The following STN1 variants were observed in gnomAD, a reference collection of about 807,000 sequenced individuals.
STN1 encodes the protein STN1 subunit of CST complex.
STN1 carries 29 observed loss-of-function variants against 45.5 expected under a neutral mutation model. That is an observed-to-expected ratio of 0.64 (90% CI 0.47 to 0.87). The LOEUF (loss-of-function observed/expected upper bound fraction) is 0.87, where lower values mean the gene tolerates loss of function less well. Ranked by LOEUF, STN1 falls within the 40% of genes least tolerant of loss-of-function variation. The probability of loss-of-function intolerance (pLI) is 0.00; values close to 1 mark genes in which losing one functional copy is unlikely to be tolerated. For missense variants in STN1, 376 were observed against 441.4 expected (o/e 0.85, Z 1.33); for synonymous variants, 148 against 159.0 (o/e 0.93, Z 0.52).
intron 7 of STN1, among the ~76,000 whole-genome samples, chr10:103,892,785 C>T (rs1270361525): frequency 6.6e-6 from 1 of 152,204 alleles, no homozygotes; most frequent in South Asian, 2.1e-4. Context: ...AGGTAGACAG[C>T]AGTCCTGGTG....
rs1466695054 is a variant in STN1, at chr10:103,894,802, T to C, written c.754-2550A>G. 2.6e-5 allele frequency among the ~76,000 whole-genome samples: 4 copies of C among 151,308 alleles called. No individual in the cohort carries two copies. In the East Asian group the frequency reaches 7.7e-4, roughly 29 times the overall value. ...TCAGGAACTGGGTGGATCCCTGAAA[T>C]ATATATAGTCTTCATTCCCAAACAA... On this transcript the variant is annotated intron_variant, in intron 7 of 9. Transcript: ENST00000224950.
At chr10:103,883,426 T>C (rs954451111) in intron 9 of STN1, among the ~76,000 whole-genome samples, 4 of 152,138 alleles carry the variant, frequency 2.6e-5, no homozygotes, top group African/African-American at 4.8e-5. Context: ...CCATCTAGTA[T>C]ACAACAATAC....
intron 3 of STN1, among the ~76,000 whole-genome samples, chr10:103,908,065 G>A (rs1050779105): frequency 6.6e-6 from 1 of 151,916 alleles, no homozygotes; most frequent in Admixed American, 6.5e-5. Flanking sequence ...GGAGGCGGGG[G>A]TTGCAGTGAG....
Position 103,882,770 on chromosome 10 carries a change from C to T in STN1, c.1021G>A (p.Glu341Lys), listed in dbSNP as rs757406867. The T allele has an allele frequency of 9.3e-6, 15 of 1,614,198 alleles. No individual in the cohort carries two copies. Among genetic ancestry groups the T allele is most frequent in the South Asian group, 5.5e-5 (5 of 91,084 alleles). The change falls in exon 10 of 10, where the codon GAG becomes AAG. Residue 341 changes from glutamate (E) to lysine (K), a missense_variant. Physicochemically the swap from Glu to Lys is moderately conservative, Grantham distance 56. Transcript: ENST00000224950. ...ARLSIRPGLS[E>K]AVLQQVLELL... ...TCCAGAACTTGCTGCAGCACAGCCT[C>T]GCTCAGGCCCGGGCGGATGCTCAGG...
intron 7 of STN1, among the ~76,000 whole-genome samples, chr10:103,894,394 A>C (rs566744049): frequency 6.6e-6 from 1 of 152,292 alleles, no homozygotes; most frequent in South Asian, 2.1e-4. Context: ...AGGAAGAGAC[A>C]ATGCTAGGCC....
intron 3 of STN1, among the ~76,000 whole-genome samples, chr10:103,908,970 C>T (rs1843262514): frequency 6.6e-6 from 1 of 151,470 alleles, no homozygotes; most frequent in Non-Finnish European, 1.5e-5. Flanking sequence ...GACCACAGAA[C>T]ACACTGGAGT....
rs1160624511 is a variant in STN1 at position 103,905,106 on chromosome 10, T to C, written c.280A>G (p.Thr94Ala). 1 of 1,613,792 alleles carries C rather than the reference T, an allele frequency of 6.2e-7. No individual in the cohort carries two copies. The highest frequency in any genetic ancestry group is 1.3e-5 in the African/African-American group (1 of 74,926). ...ATAAAATTACCTGATACAGACTCAG[T>C]ATTCAACTTTTTCCAGCAGATGCAG... is the stretch of plus-strand genomic sequence containing the variant. ...INCICWKKLN[T>A]ESVSAAPSAA... The change falls in exon 4 of 10, where the codon ACT becomes GCT. Residue 94 changes from threonine to alanine, a missense_variant. Transcript: ENST00000224950.
At chr10:103,913,814 C>T (rs923051903) in intron 2 of STN1, among the ~76,000 whole-genome samples, 1 of 151,940 alleles carries the variant, frequency 6.6e-6, no homozygotes, top group Non-Finnish European at 1.5e-5. Flanking sequence ...GCTCATGTTC[C>T]AGCCTTTCCC....
intron 5 of STN1, among the ~76,000 whole-genome samples, chr10:103,899,242 A>G (rs1843191441): frequency 6.6e-6 from 1 of 152,246 alleles, no homozygotes; most frequent in Non-Finnish European, 1.5e-5. Context: ...AGGAAAGCAC[A>G]TCAATGTATT....
In STN1 at chr10:103,900,251, G is replaced by T. The variant is rs768391868; in HGVS notation, c.296-28C>A. The T allele has an allele frequency of 9.3e-6, 15 of 1,608,994 alleles. No individual in the cohort carries two copies. The South Asian group carries it at 1.7e-4, about 18-fold the overall frequency. On this transcript the variant is annotated intron_variant, in intron 4 of 9. Coordinates refer to ENST00000224950, the MANE Select transcript of STN1 (RefSeq NM_024928.5). The stretch of plus-strand genomic sequence containing the variant: ...GTAGTTGTTTAGAGCCAGAGGGAAA[G>T]AGAAAAAGTTATAACACAATCACTC...
rs890506313 is a variant in STN1, at chr10:103,878,923, C to T, written c.*3761G>A. ...CTGGTGGTTATCAGGTTAGCTGCTC[C>T]TGTGGGTGGCTGGGTGGTGCTCAGT... On this transcript the variant is annotated 3_prime_UTR_variant, in exon 10 of 10. Transcript: ENST00000224950. 6.6e-6 allele frequency: 1 copy of T among 152,596 alleles called. No homozygotes were observed. Among genetic ancestry groups the T allele is most frequent in the African/African-American group, 2.4e-5 (1 of 41,454 alleles). 9.5% of individuals were successfully genotyped at this position (152,596 alleles called of 1,614,324 possible).
At chr10:103,910,353 T>C (rs1189393306) in intron 3 of STN1, among the ~76,000 whole-genome samples, 174 bp downstream of exon 3, 1 of 151,964 alleles carries the variant, frequency 6.6e-6, no homozygotes, top group African/African-American at 2.4e-5. Context: ...ACCCGTTGCC[T>C]CATTTTATTC....
intron 2 of STN1, among the ~76,000 whole-genome samples, chr10:103,910,850 C>T (rs1027668236): frequency 4.6e-5 from 7 of 152,066 alleles, no homozygotes; most frequent in Non-Finnish European, 2.9e-5. Context: ...TTGCACTAGA[C>T]GGGAGAAAAC....
In STN1 at chr10:103,891,614, A is replaced by G. The variant is rs374868842; in HGVS notation, c.876+516T>C. Among the ~76,000 whole-genome samples, 36 of 152,362 alleles carry G rather than the reference A, an allele frequency of 2.4e-4. 1 individual carries two copies. Among genetic ancestry groups the G allele is most frequent in the African/African-American group, 8.4e-4 (35 of 41,590 alleles). ...AATTTAGAAGATGATCACATTTTTT[A>G]TAAAGCAAAAAGGTTCTTGCATAAG... is the stretch of plus-strand genomic sequence containing the variant. On this transcript the variant is annotated intron_variant, in intron 8 of 9. Coordinates refer to ENST00000224950, the MANE Select transcript of STN1 (RefSeq NM_024928.5).
intron 6 of STN1, among the ~76,000 whole-genome samples, chr10:103,898,583 CATT>C (rs1175494688): frequency 6.6e-6 from 1 of 152,140 alleles, no homozygotes; most frequent in African/African-American, 2.4e-5. Context: ...AAATGTCAGG[CATT>C]ATTATTTCTT....
chr10:103,916,234 T>A (rs186158204), intron 2 of STN1, among the ~76,000 whole-genome samples: 1 of 152,364 alleles, frequency 6.6e-6, no homozygotes, highest in East Asian at 1.9e-4. Flanking sequence ...TAAAGTCTTT[T>A]GCCTACAGGT....
intron 7 of STN1, among the ~76,000 whole-genome samples, chr10:103,897,088 T>C (rs1799697203): frequency 1.3e-5 from 2 of 152,208 alleles, no homozygotes; most frequent in African/African-American, 2.4e-5. Flanking sequence ...GATTAACCCA[T>C]TGTGTTTTAG....
At chr10:103,905,890 A>C (rs543890003) in intron 3 of STN1, among the ~76,000 whole-genome samples, 1 of 152,340 alleles carries the variant, frequency 6.6e-6, no homozygotes, top group East Asian at 1.9e-4. Context: ...ATTTACAACT[A>C]CAGAGGAATT....
At chr10:103,910,190 A>AT (rs1843280414) in intron 3 of STN1, among the ~76,000 whole-genome samples, 1 of 152,172 alleles carries the variant, frequency 6.6e-6, no homozygotes, top group Non-Finnish European at 1.5e-5. Flanking sequence ...ACATAACCAC[A>AT]TATTACCACG....
Sources: allele counts gnomAD v4.1 joint callset (sites outside exome capture counted in the v4.1 genomes callset), GRCh38; gene constraint gnomAD v4.1.1; transcripts MANE v1.5; gene names NCBI Gene and HGNC (gene_info 2026-07-23, HGNC 2026-07-21).